The following RABL2B variants were observed in gnomAD, a reference collection of about 807,000 sequenced individuals.
RABL2B encodes the protein rab-like protein 2B.
In RABL2B, 17 loss-of-function variants were observed where a neutral mutation model predicts 26.7. The observed-to-expected ratio is 0.64, with a 90% CI of 0.44 to 0.95. The LOEUF (loss-of-function observed/expected upper bound fraction) is 0.95, where lower values mean the gene tolerates loss of function less well. RABL2B is among the 40% of genes least tolerant of loss of function. The pLI is 0.00. For missense variants in RABL2B, 170 were observed against 277.2 expected, an observed-to-expected ratio of 0.61 and a Z score of 2.75; for synonymous variants, 70 against 103.9, an observed-to-expected ratio of 0.67 and a Z score of 1.99.
At chr22:50,777,066 C>A (rs1603450650) in intron 3 of RABL2B, among the ~76,000 whole-genome samples, 1 of 152,082 alleles carries the variant, frequency 6.6e-6, no homozygotes, top group Non-Finnish European at 1.5e-5. Context: ...TGTGGATACC[C>A]CAACTCAATC....
At chr22:50,773,668 G>A (rs1555920787) in intron 5 of RABL2B, among the ~76,000 whole-genome samples, 1 of 151,532 alleles carries the variant, frequency 6.6e-6, no homozygotes, top group Non-Finnish European at 1.5e-5. Context: ...GGGAGAGGCT[G>A]AGGGAAGAGC....
chr22:50,769,619 C>G (rs2083841062), intron 6 of RABL2B, 67 bp from the exon 7 acceptor site: 23 of 1,604,246 alleles, frequency 1.4e-5, no homozygotes, highest in South Asian at 1.2e-4. Flanking sequence ...GAGGGGGGGG[C>G]CACTGGAGGC....
intron 2 of RABL2B, among the ~76,000 whole-genome samples, chr22:50,779,781 C>A (rs868943893): frequency 6.6e-6 from 1 of 152,018 alleles, no homozygotes; most frequent in African/African-American, 2.4e-5. Context: ...GTTAGGAATT[C>A]CAGACCAACC....
Position 50,769,991 on chromosome 22 carries a change from G to A in RABL2B, c.323C>T (p.Thr108Ile). 1 of 1,613,842 alleles carries A rather than the reference G, an allele frequency of 6.2e-7. No individual in the cohort carries two copies. The highest frequency in any genetic ancestry group is 8.5e-7 in the Non-Finnish European group (1 of 1,179,860). The change falls in exon 6 of 9, where the codon ACC becomes ATC. Residue 108 changes from threonine to isoleucine, a missense_variant. By Grantham distance (89) the Thr-to-Ile change is moderately conservative (BLOSUM62 -1). Around this residue, in one of 2 missense-constraint regions of RABL2B, gnomAD observed 165 missense variants for 232.0 expected, o/e 0.71. Transcript: ENST00000691320. ...ATACCAGGTGCTCAGGTTCCTATAG[G>A]TGACTTTCCTCTGTACATCAAACAC... ...IMVFDVQRKV[T>I]YRNLSTWYTE...
intron 2 of RABL2B, chr22:50,780,575 C>G (rs782618437): frequency 7.3e-6 from 3 of 413,314 alleles, no homozygotes; most frequent in Non-Finnish European, 1.5e-5. Flanking sequence ...ATTCTTGAGT[C>G]CAGTCAAAAC....
At chr22:50,781,229 A>G (rs780902673) in intron 2 of RABL2B, among the ~76,000 whole-genome samples, 60 of 151,790 alleles carry the variant, frequency 4.0e-4, no homozygotes, top group Non-Finnish European at 7.1e-4. Flanking sequence ...CTGTAGTCCT[A>G]GCTACTCGCA....
chr22:50,774,964 A>G (rs2084752123), intron 5 of RABL2B, among the ~76,000 whole-genome samples: 1 of 152,170 alleles, frequency 6.6e-6, no homozygotes, highest in African/African-American at 2.4e-5. Flanking sequence ...TTTTTAGTAG[A>G]GACGGGATTT....
intron 5 of RABL2B, chr22:50,772,742 T>C: frequency 1.1e-5 from 12 of 1,083,596 alleles, no homozygotes; most frequent in Non-Finnish European, 1.4e-5. Context: ...GAAGACTCCT[T>C]ATAAAGGATG....
At chr22:50,771,918 T>G (rs2084247428) in intron 5 of RABL2B, 1 of 152,132 alleles carries the variant, frequency 6.6e-6, no homozygotes, top group African/African-American at 2.4e-5. Context: ...CCTCTTTAAA[T>G]TTTTTTAAAG....
At chr22:50,769,684 G>T (rs1168609469) in intron 6 of RABL2B, 132 bp from the exon 7 acceptor site, 2 of 1,478,618 alleles carry the variant, frequency 1.4e-6, no homozygotes, top group Non-Finnish European at 1.8e-6. Context: ...GTCCTAGAAA[G>T]AGCTCAGTTA....
intron 8 of RABL2B, 51 bp from the exon 9 acceptor site, chr22:50,768,925 G>A (rs1569143025): frequency 3.1e-6 from 5 of 1,589,592 alleles, no homozygotes; most frequent in Middle Eastern, 2.0e-4. Flanking sequence ...CTCAACCGCA[G>A]CTCTGATACA....
intron 5 of RABL2B, among the ~76,000 whole-genome samples, chr22:50,774,892 C>T (rs1324904199): frequency 2.0e-5 from 3 of 151,994 alleles, no homozygotes; most frequent in African/African-American, 7.3e-5. Context: ...ATTCTCCTGC[C>T]TCAACCTCCC....
At chr22:50,772,895 A>G (rs1395323531) in intron 5 of RABL2B, 17 of 1,195,564 alleles carry the variant, frequency 1.4e-5, no homozygotes, top group African/African-American at 1.6e-5. Flanking sequence ...TCAAGGTTTC[A>G]AGGTGGAGGG....
intron 5 of RABL2B, chr22:50,771,580 T>A (rs1280664771): frequency 1.3e-5 from 2 of 151,812 alleles, no homozygotes; most frequent in Non-Finnish European, 2.9e-5. Flanking sequence ...CCTGGCTGAT[T>A]TACTTTTAAG....
chr22:50,777,020 T>A (rs1384471901), intron 3 of RABL2B, among the ~76,000 whole-genome samples: 1 of 152,134 alleles, frequency 6.6e-6, no homozygotes, highest in African/African-American at 2.4e-5. Context: ...TACAGACAAG[T>A]GTCATAAAAG....
chr22:50,780,224 A>G (rs1192832096), intron 2 of RABL2B, among the ~76,000 whole-genome samples: 4 of 148,992 alleles, frequency 2.7e-5, no homozygotes, highest in Non-Finnish European at 4.4e-5. Flanking sequence ...AAGCATGAAC[A>G]TGCTGCATGA....
intron 4 of RABL2B, among the ~76,000 whole-genome samples, chr22:50,776,383 C>T (rs1387040989): frequency 6.6e-6 from 1 of 152,216 alleles, no homozygotes; most frequent in Non-Finnish European, 1.5e-5. Context: ...CTCTTACGTT[C>T]TTCTTCCCTG....
At chr22:50,774,317 A>G (rs2084651879) in intron 5 of RABL2B, among the ~76,000 whole-genome samples, 1 of 151,678 alleles carries the variant, frequency 6.6e-6, no homozygotes, top group Non-Finnish European at 1.5e-5. Flanking sequence ...CTCTGTGACT[A>G]TGGACAGAGA....
chr22:50,775,978 A>ATC, intron 4 of RABL2B, 127 bp from the exon 5 acceptor site: 1 of 951,664 alleles, frequency 1.1e-6, no homozygotes, highest in South Asian at 1.4e-5. Context: ...AGGGAGAAAC[A>ATC]GAGACTATAC....
Sources: allele counts gnomAD v4.1 joint callset (sites outside exome capture counted in the v4.1 genomes callset), GRCh38; gene constraint gnomAD v4.1.1; regional missense constraint gnomAD v4.1.1; transcripts MANE v1.5; gene names NCBI Gene and HGNC (gene_info 2026-07-23, HGNC 2026-07-21).